Variants in RERG observed in about 807,000 individuals in gnomAD.
The protein encoded by RERG is RAS like estrogen regulated growth inhibitor.
RERG carries 25 observed loss-of-function variants against 23.2 expected under a neutral mutation model. The ratio of observed to expected loss-of-function variants is 1.08; its 90% CI spans 0.79 to 1.50. The LOEUF (loss-of-function observed/expected upper bound fraction) is 1.50, where lower values mean the gene tolerates loss of function less well. Ranked by LOEUF, RERG falls within the 40% of genes most tolerant of loss-of-function variation. RERG has a pLI of 0.00. For missense variants in RERG, 253 were observed against 250.1 expected (o/e 1.01, Z -0.08); for synonymous variants, 81 against 89.1 (o/e 0.91, Z 0.51).
intron 2 of RERG, among the ~76,000 whole-genome samples, chr12:15,187,272 A>G (rs1865005345): frequency 6.6e-6 from 1 of 152,114 alleles, no homozygotes; most frequent in Non-Finnish European, 1.5e-5. Context: ...TCTTGTTGGA[A>G]AGCAAAGCTT....
chr12:15,135,799 T>C (rs1158264883), intron 2 of RERG, among the ~76,000 whole-genome samples: 1 of 152,136 alleles, frequency 6.6e-6, no homozygotes, highest in Non-Finnish European at 1.5e-5. Flanking sequence ...GGATTCAATT[T>C]GTGAATATTT....
At chr12:15,137,917 T>A (rs934127844) in intron 2 of RERG, 6 of 432,326 alleles carry the variant, frequency 1.4e-5, no homozygotes, top group African/African-American at 8.1e-5. Flanking sequence ...CTCTGAAGAA[T>A]GTATCGTATC....
chr12:15,203,288 T>C (rs547133862), intron 2 of RERG, among the ~76,000 whole-genome samples: 1 of 151,800 alleles, frequency 6.6e-6, no homozygotes, highest in South Asian at 2.1e-4. Flanking sequence ...TCACTGCTTG[T>C]TTGTTTTCTT....
At position 15,126,724 on chromosome 12, in the gene RERG, C is replaced by CTTTTTTTTTTTTTTT. The variant is rs71042228; in HGVS notation, c.62-5620_62-5606dup. Among the ~76,000 whole-genome samples, 15 of 132,462 alleles carry CTTTTTTTTTTTTTTT rather than the reference C, an allele frequency of 1.1e-4. 1 individual carries two copies. The highest frequency in any genetic ancestry group is 2.4e-4 in the South Asian group (1 of 4,192). 86.9% of individuals were successfully genotyped at this position (132,462 alleles called of 152,430 possible). A position where few individuals can be genotyped will look rare whatever the true frequency, so the allele number is the denominator to read the frequency against. On this transcript the variant is annotated intron_variant, in intron 2 of 4. Transcript: ENST00000256953. ...ATAGCATTTCTTTTTCTTTTTCTTT[C>CTTTTTTTTTTTTTTT]TTTTTTTTTTTTTTTTGAGACAGAG...
chr12:15,187,616 C>T (rs1330303236), intron 2 of RERG, among the ~76,000 whole-genome samples: 8 of 150,862 alleles, frequency 5.3e-5, no homozygotes, highest in South Asian at 4.2e-4. Context: ...TGTAGGGCAA[C>T]GGCGCAATCT....
intron 2 of RERG, among the ~76,000 whole-genome samples, chr12:15,142,705 G>C (rs796555419): frequency 2.4e-4 from 37 of 152,164 alleles, no homozygotes; most frequent in African/African-American, 8.4e-4. Flanking sequence ...GAAGAGAGAG[G>C]GGGGGTAGGA....
chr12:15,141,447 TTTTG>T (rs1174147718), intron 2 of RERG, among the ~76,000 whole-genome samples: 1 of 152,198 alleles, frequency 6.6e-6, no homozygotes, highest in Non-Finnish European at 1.5e-5. Flanking sequence ...TTTCTGTTAG[TTTTG>T]TTTATTTCTT....
chr12:15,183,895 T>A (rs1031176290), intron 2 of RERG, among the ~76,000 whole-genome samples: 1 of 152,158 alleles, frequency 6.6e-6, no homozygotes, highest in Non-Finnish European at 1.5e-5. Flanking sequence ...CTCTTCATCT[T>A]CCATAAAGAG....
At chr12:15,190,770 C>G (rs1395893755) in intron 2 of RERG, among the ~76,000 whole-genome samples, 1 of 152,122 alleles carries the variant, frequency 6.6e-6, no homozygotes, top group Non-Finnish European at 1.5e-5. Flanking sequence ...AACAAATTGC[C>G]ATGAGCTTAG....
chr12:15,111,348 C>G lies in RERG; in HGVS notation c.188G>C (p.Gly63Ala). ...VVSMEILDTAGQEDTIQREGH... is the reference protein window; with the variant it reads ...VVSMEILDTAAQEDTIQREGH... ...TTAGCTGAACTCTTTATTCACCTGA[C>G]CAGCAGTGTCTAGTATCTCCATGGA... Residue 63 changes from glycine (G) to alanine (A), a missense_variant, in exon 4 of 5, where the codon GGT becomes GCT. Gly to Ala is a moderately conservative substitution (Grantham distance 60). Coordinates refer to ENST00000256953, the MANE Select transcript of RERG (RefSeq NM_032918.3). 1 of 1,608,418 alleles carries G rather than the reference C, an allele frequency of 6.2e-7. No homozygotes were observed. Among genetic ancestry groups the G allele is most frequent in the Non-Finnish European group, 8.5e-7 (1 of 1,175,612 alleles).
At chr12:15,164,600 G>A (rs1014300834) in intron 2 of RERG, among the ~76,000 whole-genome samples, 1 of 152,162 alleles carries the variant, frequency 6.6e-6, no homozygotes, top group African/African-American at 2.4e-5. Flanking sequence ...CCTTGATATA[G>A]TCAACAGCAG....
chr12:15,121,696 TCTC>T (rs1863835300), intron 2 of RERG, among the ~76,000 whole-genome samples: 1 of 152,196 alleles, frequency 6.6e-6, no homozygotes, highest in Non-Finnish European at 1.5e-5. Flanking sequence ...GCTTGCATGA[TCTC>T]CTCAATCCTC....
At chr12:15,177,464 A>T (rs1864866300) in intron 2 of RERG, among the ~76,000 whole-genome samples, 1 of 152,180 alleles carries the variant, frequency 6.6e-6, no homozygotes, top group Admixed American at 6.5e-5. Context: ...AAGAAAAAAA[A>T]AATTTACAAT....
At chr12:15,208,406 C>T (rs1265582696) in intron 2 of RERG, among the ~76,000 whole-genome samples, 3 of 152,146 alleles carry the variant, frequency 2.0e-5, no homozygotes, top group Non-Finnish European at 4.4e-5. Flanking sequence ...CCACTTTGGT[C>T]ATAATAAGGA....
chr12:15,145,379 T>C (rs1864314630), intron 2 of RERG, among the ~76,000 whole-genome samples: 1 of 152,240 alleles, frequency 6.6e-6, no homozygotes, highest in Admixed American at 6.5e-5. Context: ...AACTTCTCCT[T>C]CACAGCCTGT....
intron 4 of RERG, 76 bp downstream of exon 4, chr12:15,111,268 C>A: frequency 8.6e-7 from 1 of 1,160,872 alleles, no homozygotes; most frequent in Non-Finnish European, 1.2e-6. Context: ...AGAAAAGTGC[C>A]TTATTTTTGT....
chr12:15,214,027 TGTGTGTGTGTGC>T (rs1204258240), intron 2 of RERG, among the ~76,000 whole-genome samples: 46 of 121,838 alleles, frequency 3.8e-4, no homozygotes, highest in African/African-American at 9.4e-4. Flanking sequence ...TGTGTGTGTG[TGTGTGTGTGTGC>T]GCGTGTGTGG....
chr12:15,143,432 T>C (rs1298491709), intron 2 of RERG, among the ~76,000 whole-genome samples: 1 of 148,518 alleles, frequency 6.7e-6, no homozygotes, highest in Non-Finnish European at 1.5e-5. Context: ...TAATAATACA[T>C]ACATATTATT....
At chr12:15,137,863 T>C (rs774210273) in intron 2 of RERG, 15 of 448,514 alleles carry the variant, frequency 3.3e-5, no homozygotes, top group South Asian at 2.4e-4. Context: ...ATGCTCTTCC[T>C]TTCTTTAAGT....
Sources: allele counts gnomAD v4.1 joint callset (sites outside exome capture counted in the v4.1 genomes callset), GRCh38; gene constraint gnomAD v4.1.1; transcripts MANE v1.5; gene names NCBI Gene and HGNC (gene_info 2026-07-23, HGNC 2026-07-21).